AHDC1: variants seen among roughly 807,000 people sequenced by gnomAD.
The protein encoded by AHDC1 is transcription factor Gibbin.
A neutral mutation model predicts 87.9 loss-of-function variants in AHDC1; 7 were observed. That is an observed-to-expected ratio of 0.08 (90% confidence interval 0.05 to 0.15). AHDC1 has a LOEUF of 0.15. Among genes scored for constraint, AHDC1 ranks in the 10% least tolerant of loss-of-function variants. The pLI, the probability that AHDC1 is intolerant of heterozygous loss-of-function variation, is 1.00. For missense variants in AHDC1, 1,841 were observed against 2,253.2 expected (o/e 0.82, Z 3.70); for synonymous variants, 1,051 against 1,006.8 (o/e 1.04, Z -0.83).
rs913258047 is a variant in AHDC1 at position 27,563,541 on chromosome 1, T to G, written c.-628-4658A>C. ...TGCCTTGGACAGGTGACAGCCCACC[T>G]CACCCCTCCCCCATCACTGTCACCA... On this transcript the variant is annotated intron_variant, in intron 3 of 8. Transcript: ENST00000673934. The surrounding 1 kb of genome is among the most constrained non-coding windows in gnomAD (Gnocchi z 6.1). 2.0e-5 allele frequency among the ~76,000 whole-genome samples: 3 copies of G among 152,028 alleles called. No homozygotes were observed. Among genetic ancestry groups the G allele is most frequent in the Admixed American group, 1.3e-4 (2 of 15,274 alleles).
chr1:27,594,940 G>T (rs2089325593), intron 3 of AHDC1, among the ~76,000 whole-genome samples: 1 of 152,004 alleles, frequency 6.6e-6, no homozygotes, highest in Non-Finnish European at 1.5e-5. Context: ...AGGTGTAGGG[G>T]TGTCCCTGGG....
chr1:27,592,736 G>A (rs1418901950), intron 3 of AHDC1, among the ~76,000 whole-genome samples: 1 of 152,178 alleles, frequency 6.6e-6, no homozygotes, highest in Non-Finnish European at 1.5e-5. Flanking sequence ...GGGCCGGAAC[G>A]CAGGAGGCCC....
Position 27,560,471 on chromosome 1 carries a change from T to TC in AHDC1, c.-628-1589dup, listed in dbSNP as rs2020025343. On this transcript the variant is annotated intron_variant, in intron 3 of 8. Transcript: ENST00000673934. The surrounding 1 kb of genome is among the most constrained non-coding windows in gnomAD (Gnocchi z 4.1). Reference sequence around the variant, plus strand: ...CTGCTGTCCCTGCAGGTTTCCAATCTCGAGGCCTGTGACTGCAGGCACTGG... The same window carrying TC: ...CTGCTGTCCCTGCAGGTTTCCAATCTCCGAGGCCTGTGACTGCAGGCACTGG... Among the ~76,000 whole-genome samples, 1 of 152,146 alleles carries TC rather than the reference T, an allele frequency of 6.6e-6. No homozygotes were observed. The highest frequency in any genetic ancestry group is 6.5e-5 in the Admixed American group (1 of 15,290).
intron 8 of AHDC1, among the ~76,000 whole-genome samples, chr1:27,542,133 C>G (rs2148221909): frequency 6.6e-6 from 1 of 152,352 alleles, no homozygotes; most frequent in South Asian, 2.1e-4. Flanking sequence ...AAAGGTTATG[C>G]TGACAAAGAT....
chr1:27,594,133 G>C (rs140081114), intron 3 of AHDC1, among the ~76,000 whole-genome samples: 1 of 152,176 alleles, frequency 6.6e-6, no homozygotes. Context: ...CTGTAATTAG[G>C]GGGTGGAACA....
Position 27,593,442 on chromosome 1 carries a change from T to C in AHDC1, c.-629+9955A>G, listed in dbSNP as rs1188667368. 6.6e-6 allele frequency among the ~76,000 whole-genome samples: 1 copy of C among 152,210 alleles called. No individual in the cohort carries two copies. The highest frequency in any genetic ancestry group is 2.4e-5 in the African/African-American group (1 of 41,448). On this transcript the variant is annotated intron_variant, in intron 3 of 8. Transcript: ENST00000673934. The surrounding 1 kb of genome is among the most constrained non-coding windows in gnomAD (Gnocchi z 4.9). The stretch of plus-strand genomic sequence containing the variant: ...CCAGGCAGGCTGGGACCCAGGTCCC[T>C]GGTGTCCATGGGCAAAGATGGACCC...
intron 3 of AHDC1, among the ~76,000 whole-genome samples, chr1:27,566,252 A>G (rs1352291922): frequency 1.3e-5 from 2 of 152,178 alleles, no homozygotes; most frequent in Admixed American, 1.3e-4. Context: ...CTGAGGCAAG[A>G]GAAACAGGGC....
At chr1:27,586,226 T>G (rs927550643) in intron 3 of AHDC1, among the ~76,000 whole-genome samples, 1 of 152,140 alleles carries the variant, frequency 6.6e-6, no homozygotes, top group Non-Finnish European at 1.5e-5. Context: ...GTCAGGCCCC[T>G]CATTGCCACA....
At position 27,568,933 on chromosome 1, in the gene AHDC1, G is replaced by A. The variant is rs2020447000; in HGVS notation, c.-628-10050C>T. Among the ~76,000 whole-genome samples, 3 of 152,096 alleles carry A rather than the reference G, an allele frequency of 2.0e-5. No homozygotes were observed. The South Asian group carries it at 6.2e-4, about 31-fold the overall frequency. On this transcript the variant is annotated intron_variant, in intron 3 of 8. Transcript: ENST00000673934. ...CAAACATACCTACAGCCGCACTCCA[G>A]GGACAGCTACACCCACACACCCGCA...
chr1:27,550,381 T>C lies in AHDC1; in HGVS notation c.1735A>G (p.Met579Val), dbSNP rs777998117. The C allele has an allele frequency of 1.8e-5, 28 of 1,599,170 alleles. No homozygotes were observed. The South Asian group carries it at 2.4e-4, about 14-fold the overall frequency. ...AEAATVAAAT[M>V]AMPEVKKRRR... ...CGTTTTTTTACCTCTGGCATGGCCA[T>C]GGTGGCCGCTGCCACAGTGGCTGCC... Residue 579 changes from methionine (M) to valine (V), a missense_variant, in exon 8 of 9, where the codon ATG becomes GTG. By Grantham distance (21) the Met-to-Val change is conservative. Coordinates refer to ENST00000673934, the MANE Select transcript of AHDC1 (RefSeq NM_001371928.1).
intron 3 of AHDC1, chr1:27,568,118 G>A (rs1431781430): frequency 1.3e-5 from 2 of 152,214 alleles, no homozygotes; most frequent in African/African-American, 4.8e-5. Context: ...CCAACCCTGT[G>A]GGTGAGAAGG....
At chr1:27,545,947 T>C (rs1480465388) in intron 8 of AHDC1, among the ~76,000 whole-genome samples, 1 of 152,154 alleles carries the variant, frequency 6.6e-6, no homozygotes, top group African/African-American at 2.4e-5. Context: ...CATGCTGCCC[T>C]TTGTCACCTT....
Position 27,563,213 on chromosome 1 carries a change from G to A in AHDC1, c.-628-4330C>T, listed in dbSNP as rs2020175498. ...ACACATGCACACACACACAGAACCT[G>A]TCACACAGCTGACCAAGACACACAC... On this transcript the variant is annotated intron_variant, in intron 3 of 8. Coordinates refer to ENST00000673934, the MANE Select transcript of AHDC1 (RefSeq NM_001371928.1). The surrounding 1 kb of genome is among the most constrained non-coding windows in gnomAD (Gnocchi z 6.1). Among the ~76,000 whole-genome samples, 1 of 147,512 alleles carries A rather than the reference G, an allele frequency of 6.8e-6. No individual in the cohort carries two copies. The highest frequency in any genetic ancestry group is 2.5e-5 in the African/African-American group (1 of 39,466).
rs1437768777 is a variant in AHDC1, at chr1:27,549,523, G to A, written c.2593C>T (p.Arg865Trp). 8.1e-6 allele frequency: 13 copies of A among 1,613,192 alleles called. No homozygotes were observed. The highest frequency in any genetic ancestry group is 1.1e-5 in the South Asian group (1 of 91,094). Residue 865 changes from arginine to tryptophan, a missense_variant, in exon 8 of 9, where the codon CGG (arginine) becomes TGG (tryptophan). Around this residue, in one of 13 missense-constraint regions of AHDC1, gnomAD observed 378 missense variants for 399.0 expected, o/e 0.95. Transcript: ENST00000673934. ...FALSASRPES[R>W]KASGTYAGPP... The stretch of plus-strand genomic sequence containing the variant: ...CCTGCATAGGTGCCCGATGCCTTCC[G>A]GGACTCTGGGCGAGAGGCTGAGAGG...
At chr1:27,538,764 C>T (rs894943783) in intron 8 of AHDC1, among the ~76,000 whole-genome samples, 4 of 152,180 alleles carry the variant, frequency 2.6e-5, no homozygotes, top group African/African-American at 9.7e-5. Context: ...AACCACCTGC[C>T]TTGGCCTCCC....
rs1324696534 is a variant in AHDC1, at chr1:27,551,159, G to T, written c.957C>A (p.Thr319=). The part of the protein sequence containing the change: ...LPGLALQALD[T]LPDSLESQLL... ...GCTGCGACTCCAAGGAGTCAGGCAG[G>T]GTGTCCAGGGCCTGGAGAGCCAGGC... is the stretch of plus-strand genomic sequence containing the variant. Residue 319 remains threonine (T), a synonymous_variant, in exon 8 of 9, where the codon ACC becomes ACA. Transcript: ENST00000673934. 3 of 1,607,624 alleles carry T rather than the reference G, an allele frequency of 1.9e-6. No individual in the cohort carries two copies. Among genetic ancestry groups the T allele is most frequent in the Non-Finnish European group, 2.5e-6 (3 of 1,177,796 alleles).
At chr1:27,588,322 C>T (rs942176833) in intron 3 of AHDC1, among the ~76,000 whole-genome samples, 1 of 126,366 alleles carries the variant, frequency 7.9e-6, no homozygotes, top group Non-Finnish European at 1.5e-5. Flanking sequence ...AGGCTGGTCA[C>T]AAAACTGAGA....
At chr1:27,537,113 A>AG (rs895928976) in intron 8 of AHDC1, among the ~76,000 whole-genome samples, 16 of 152,014 alleles carry the variant, frequency 1.1e-4, no homozygotes, top group African/African-American at 2.2e-4. Flanking sequence ...GGAGCGGGGG[A>AG]GGGGGGAAAT....
intron 3 of AHDC1, among the ~76,000 whole-genome samples, chr1:27,597,436 G>A (rs960941407): frequency 6.6e-6 from 1 of 151,956 alleles, no homozygotes; most frequent in Non-Finnish European, 1.5e-5. Flanking sequence ...TGGGGGCTGC[G>A]TTTATACGAG....
Sources: allele counts gnomAD v4.1 joint callset (sites outside exome capture counted in the v4.1 genomes callset), GRCh38; gene constraint gnomAD v4.1.1; regional missense constraint gnomAD v4.1.1; non-coding constraint Gnocchi (gnomAD v3.1); transcripts MANE v1.5; gene names NCBI Gene and HGNC (gene_info 2026-07-23, HGNC 2026-07-21).